Variants in PFKL observed in about 807,000 individuals in gnomAD.
PFKL encodes the protein ATP-dependent 6-phosphofructokinase, liver type.
A neutral mutation model predicts 92.1 loss-of-function variants in PFKL; 74 were observed. That is an observed-to-expected ratio of 0.80 (90% confidence interval 0.67 to 0.97). The LOEUF (loss-of-function observed/expected upper bound fraction) is 0.97. Among genes scored for constraint, PFKL ranks in the 50% least tolerant of loss-of-function variants. The probability of loss-of-function intolerance (pLI) is 0.00; values close to 1 mark genes in which losing one functional copy is unlikely to be tolerated. For synonymous variants in PFKL, 494 were observed against 456.4 expected, an observed-to-expected ratio of 1.08 and a Z score of -1.05; for missense variants, 1,028 against 1,116.6, an observed-to-expected ratio of 0.92 and a Z score of 1.13.
At chr21:44,321,665 C>T (rs967096432) in intron 12 of PFKL, 64 bp from the exon 13 acceptor site, 4 of 1,450,834 alleles carry the variant, frequency 2.8e-6, no homozygotes, top group Admixed American at 2.5e-5. Flanking sequence ...CTGCTGACCT[C>T]CTGTGCAGGT....
At chr21:44,315,954 G>A (rs1224071259) in intron 7 of PFKL, 5 of 458,594 alleles carry the variant, frequency 1.1e-5, no homozygotes, top group African/African-American at 4.1e-5. Flanking sequence ...CCAGCTGTGT[G>A]TGTGCTGGGC....
At chr21:44,306,126 G>A (rs1176901846) in intron 1 of PFKL, among the ~76,000 whole-genome samples, 1 of 66,154 alleles carries the variant, frequency 1.5e-5, no homozygotes, top group Non-Finnish European at 3.0e-5. Context: ...GAATGTCTGG[G>A]GTGGGGCCGG....
intron 1 of PFKL, among the ~76,000 whole-genome samples, chr21:44,303,181 C>T (rs1601987168): frequency 6.6e-6 from 1 of 151,864 alleles, no homozygotes; most frequent in South Asian, 2.1e-4. Flanking sequence ...TGCAGTGAGC[C>T]GAGATCGAGC....
chr21:44,312,571 G>A (rs1011529540), intron 4 of PFKL, among the ~76,000 whole-genome samples: 2 of 152,214 alleles, frequency 1.3e-5, no homozygotes, highest in African/African-American at 4.8e-5. Flanking sequence ...GCGTAGACAA[G>A]TCTTCTCTGT....
chr21:44,322,965 C>A lies in PFKL; in HGVS notation c.1413C>A (p.Thr471=). ...GCGGATGTGTCTTTGACTGCAGGAC[C>A]CTGCCCAAGGGCCAGCTGGAGTCCA... The part of the protein sequence containing the change: ...RGGSMLGTKR[T]LPKGQLESIV... The change falls in exon 15 of 22, where the codon ACC becomes ACA. Residue 471 remains threonine (T), a synonymous_variant. Coordinates refer to ENST00000349048, the MANE Select transcript of PFKL (RefSeq NM_002626.6). 1 of 1,610,686 alleles carries A rather than the reference C, an allele frequency of 6.2e-7. No homozygotes were observed. Among genetic ancestry groups the A allele is most frequent in the Non-Finnish European group, 8.5e-7 (1 of 1,178,008 alleles).
chr21:44,326,989 A>C lies in PFKL; in HGVS notation c.*127A>C. 2 of 847,932 alleles carry C rather than the reference A, an allele frequency of 2.4e-6. No homozygotes were observed. Among genetic ancestry groups the C allele is most frequent in the Non-Finnish European group, 3.7e-6 (2 of 542,138 alleles). 52.5% of individuals were successfully genotyped at this position (847,932 alleles called of 1,614,324 possible). ...TGGGGGCTGCGTCCCTGCTCAGCCC[A>C]TCCCCTGCCTCTATCCCTGGCCACC... On this transcript the variant is annotated 3_prime_UTR_variant, in exon 22 of 22. Transcript: ENST00000349048.
At chr21:44,313,360 G>C (rs1446852790) in intron 5 of PFKL, among the ~76,000 whole-genome samples, 2 of 152,246 alleles carry the variant, frequency 1.3e-5, no homozygotes, top group Admixed American at 1.3e-4. Flanking sequence ...CTTCTGAGGG[G>C]CAGCTGCTTG....
At position 44,320,106 on chromosome 21, in the gene PFKL, A is replaced by G. The variant is rs11558850; in HGVS notation, c.1150A>G (p.Ile384Val). 2 of 1,613,452 alleles carry G rather than the reference A, an allele frequency of 1.2e-6. No individual in the cohort carries two copies. Among genetic ancestry groups the G allele is most frequent in the Non-Finnish European group, 1.7e-6 (2 of 1,179,826 alleles). ...RGGSFENNWNIYKLLAHQKPP... is the reference protein window; with the variant it reads ...RGGSFENNWNVYKLLAHQKPP... ...CAGGAGCTTCGAGAACAACTGGAAC[A>G]TTTACAAGCTCCTCGCCCACCAGAA... is the stretch of plus-strand genomic sequence containing the variant. Residue 384 changes from isoleucine (I) to valine (V), a missense_variant, in exon 12 of 22, where the codon ATT becomes GTT. By Grantham distance (29) the Ile-to-Val change is conservative. Transcript: ENST00000349048.
chr21:44,314,152 T>A, intron 7 of PFKL, 131 bp downstream of exon 7: 1 of 676,268 alleles, frequency 1.5e-6, no homozygotes, highest in Non-Finnish European at 2.6e-6. Flanking sequence ...AGGTGCCCCT[T>A]GGGGGCGGGA....
chr21:44,319,095 G>C (rs1284875325), intron 10 of PFKL, among the ~76,000 whole-genome samples: 1 of 152,154 alleles, frequency 6.6e-6, no homozygotes, highest in Non-Finnish European at 1.5e-5. Flanking sequence ...CTGGGGCAGA[G>C]TGCCCTGCCT....
At chr21:44,302,986 A>C (rs1347910023) in intron 1 of PFKL, among the ~76,000 whole-genome samples, 1 of 152,088 alleles carries the variant, frequency 6.6e-6, no homozygotes, top group Non-Finnish European at 1.5e-5. Flanking sequence ...TAATTCCAGC[A>C]CTTTGGGAGG....
chr21:44,319,135 G>A (rs1158329818), intron 10 of PFKL, among the ~76,000 whole-genome samples: 1 of 152,134 alleles, frequency 6.6e-6, no homozygotes, highest in Admixed American at 6.5e-5. Flanking sequence ...GGTGAGGAGG[G>A]CAGCTGGGGG....
At chr21:44,322,277 G>T in intron 14 of PFKL, 74 bp downstream of exon 14, 1 of 1,429,322 alleles carries the variant, frequency 7.0e-7, no homozygotes, top group Non-Finnish European at 9.5e-7. Context: ...GGTGGGGGCG[G>T]CAAGGGGAAC....
chr21:44,313,545 C>A, intron 5 of PFKL, 93 bp from the exon 6 acceptor site: 2 of 1,230,374 alleles, frequency 1.6e-6, no homozygotes, highest in South Asian at 1.3e-5. Flanking sequence ...GCCTGCCTCT[C>A]CATCCACTGG....
At chr21:44,320,270 T>G in intron 12 of PFKL, 123 bp downstream of exon 12, 1 of 784,928 alleles carries the variant, frequency 1.3e-6, no homozygotes, top group Non-Finnish European at 2.0e-6. Context: ...GTCCGAGCTG[T>G]GAGCTGGGAG....
Position 44,312,300 on chromosome 21 carries a change from T to G in PFKL, c.427+6T>G, listed in dbSNP as rs1602016821. 15 of 1,583,746 alleles carry G rather than the reference T, an allele frequency of 9.5e-6. No individual in the cohort carries two copies. The highest frequency in any genetic ancestry group is 1.3e-5 in the Non-Finnish European group (15 of 1,167,628). ...GGAGGAGCTGGTGGCGGAAGGTGGGTCTGTGCCCGGCGCACTGTAGGCCCT... is the reference window on the plus strand; with the variant it reads ...GGAGGAGCTGGTGGCGGAAGGTGGGGCTGTGCCCGGCGCACTGTAGGCCCT... On this transcript the variant is annotated splice_donor_region_variant and intron_variant, in intron 4 of 21. Transcript: ENST00000349048.
Position 44,323,870 on chromosome 21 carries a change from C to G in PFKL, c.1602C>G (p.Gly534=), listed in dbSNP as rs758154390. 2 of 1,613,572 alleles carry G rather than the reference C, an allele frequency of 1.2e-6. No homozygotes were observed. Among genetic ancestry groups the G allele is most frequent in the Admixed American group, 3.3e-5 (2 of 60,024 alleles). The change falls in exon 16 of 22, where the codon GGC becomes GGG. Residue 534 remains glycine (G), a synonymous_variant. Transcript: ENST00000349048. ...IPATISNNVP[G]TDFSLGSDTA... ...CCACCATCAGCAACAACGTCCCTGGCACCGACTTCAGCCTGGGCTCCGACA... is the reference window on the plus strand; with the variant it reads ...CCACCATCAGCAACAACGTCCCTGGGACCGACTTCAGCCTGGGCTCCGACA...
intron 12 of PFKL, chr21:44,320,352 G>T (rs2047326309): frequency 9.8e-6 from 5 of 507,838 alleles, no homozygotes; most frequent in Non-Finnish European, 1.8e-5. Context: ...GACCCTGGCT[G>T]CAGGGCTGGC....
chr21:44,306,257 T>C (rs560281346), intron 1 of PFKL, among the ~76,000 whole-genome samples: 24 of 152,226 alleles, frequency 1.6e-4, no homozygotes, highest in African/African-American at 5.8e-4. Context: ...CGGCGGGGTG[T>C]GGAGTTCGGG....
Sources: allele counts gnomAD v4.1 joint callset (sites outside exome capture counted in the v4.1 genomes callset), GRCh38; gene constraint gnomAD v4.1.1; transcripts MANE v1.5; gene names NCBI Gene and HGNC (gene_info 2026-07-23, HGNC 2026-07-21).